Variants in IL21R observed in about 807,000 individuals in gnomAD.
IL21R encodes interleukin 21 receptor.
Under a neutral mutation model 41.3 loss-of-function variants are expected in IL21R, and 14 were observed. That is an observed-to-expected ratio of 0.34 (90% CI 0.22 to 0.53). The LOEUF (loss-of-function observed/expected upper bound fraction) is 0.53. Among genes scored for constraint, IL21R ranks in the 20% least tolerant of loss-of-function variants. The pLI is 0.94. For missense variants in IL21R, 588 were observed against 681.6 expected, an observed-to-expected ratio of 0.86 and a Z score of 1.53; for synonymous variants, 286 against 287.6, an observed-to-expected ratio of 0.99 and a Z score of 0.05.
chr16:27,426,269 C>T (rs1481351397), intron 1 of IL21R, among the ~76,000 whole-genome samples: 1 of 152,224 alleles, frequency 6.6e-6, no homozygotes, highest in African/African-American at 2.4e-5. Flanking sequence ...ATGGCGCACA[C>T]TGCCTATTTC....
At chr16:27,408,623 C>A (rs1360420948) in intron 1 of IL21R, among the ~76,000 whole-genome samples, 4 of 152,198 alleles carry the variant, frequency 2.6e-5, no homozygotes, top group Admixed American at 6.5e-5. Flanking sequence ...GTTCTTTCTT[C>A]TGTGTTCCCT....
intron 1 of IL21R, among the ~76,000 whole-genome samples, chr16:27,408,841 G>A (rs185246326): frequency 1.3e-5 from 2 of 152,278 alleles, no homozygotes; most frequent in East Asian, 3.9e-4. Flanking sequence ...TGGCCGACTT[G>A]AGGAACTAGA....
At chr16:27,432,620 C>T (rs1234231061) in intron 2 of IL21R, among the ~76,000 whole-genome samples, 3 of 152,194 alleles carry the variant, frequency 2.0e-5, no homozygotes, top group African/African-American at 2.4e-5. Context: ...CACGAGGATA[C>T]GAACTCAGAG....
chr16:27,409,615 A>AAAC (rs959065175), intron 1 of IL21R, among the ~76,000 whole-genome samples: 2 of 54,522 alleles, frequency 3.7e-5, no homozygotes, highest in African/African-American at 4.4e-4. Context: ...TCATTTAAGA[A>AAAC]AACATGTTTT....
chr16:27,435,119 C>T (rs916561489), intron 3 of IL21R, among the ~76,000 whole-genome samples: 2 of 151,992 alleles, frequency 1.3e-5, no homozygotes, highest in Non-Finnish European at 2.9e-5. Flanking sequence ...ATCAGTCGGG[C>T]GTGGTGGCAC....
intron 1 of IL21R, among the ~76,000 whole-genome samples, chr16:27,418,452 T>C (rs777564719): frequency 1.6e-4 from 25 of 152,110 alleles, no homozygotes; most frequent in Non-Finnish European, 2.9e-4. Context: ...CACTGCAACC[T>C]CCGCCTCCCA....
chr16:27,409,031 GTC>G (rs959904093), intron 1 of IL21R, among the ~76,000 whole-genome samples: 1 of 152,122 alleles, frequency 6.6e-6, no homozygotes, highest in African/African-American at 2.4e-5. Context: ...GAAATGTTGA[GTC>G]TCTGCTCAGC....
chr16:27,425,144 C>T (rs775626106), intron 1 of IL21R, among the ~76,000 whole-genome samples: 1 of 152,172 alleles, frequency 6.6e-6, no homozygotes, highest in Non-Finnish European at 1.5e-5. Context: ...ATATCCAAAC[C>T]ATATCAAGGG....
At chr16:27,432,814 C>T (rs927560985) in intron 2 of IL21R, among the ~76,000 whole-genome samples, 3 of 152,152 alleles carry the variant, frequency 2.0e-5, no homozygotes, top group Admixed American at 1.3e-4. Context: ...GCCACTGCCT[C>T]GAGAGAAGTT....
At chr16:27,437,777 C>A in intron 4 of IL21R, 90 bp downstream of exon 4, 1 of 1,015,800 alleles carries the variant, frequency 9.8e-7, no homozygotes, top group Non-Finnish European at 1.5e-6. Context: ...ATCCTCCCAC[C>A]TCAGCCTCCC....
At chr16:27,441,295 C>T (rs2087384410) in intron 4 of IL21R, among the ~76,000 whole-genome samples, 1 of 152,194 alleles carries the variant, frequency 6.6e-6, no homozygotes, top group Non-Finnish European at 1.5e-5. Flanking sequence ...GCCCATTTTA[C>T]AAGAGAGGAA....
At chr16:27,406,244 C>G (rs1364661172) in intron 1 of IL21R, among the ~76,000 whole-genome samples, 2 of 152,234 alleles carry the variant, frequency 1.3e-5, no homozygotes, top group Non-Finnish European at 2.9e-5. Flanking sequence ...TTCAAAGCCT[C>G]CTTTCACTGC....
chr16:27,450,142 C>A lies in IL21R; in HGVS notation c.*859C>A, dbSNP rs967663434. On this transcript the variant is annotated 3_prime_UTR_variant, in exon 9 of 9. Coordinates refer to ENST00000337929, the MANE Select transcript of IL21R (RefSeq NM_181078.3). ...TCGTCAGCGACAGCCTGGGCACCCG[C>A]GGGGCCGTCCCGCCTGCAGAGGGCC... The A allele has an allele frequency of 1.3e-5, 3 of 232,798 alleles. No homozygotes were observed. The highest frequency in any genetic ancestry group is 2.5e-5 in the Non-Finnish European group (3 of 117,842). 14.4% of individuals were successfully genotyped at this position (232,798 alleles called of 1,614,324 possible).
At chr16:27,424,544 G>A (rs1039991480) in intron 1 of IL21R, among the ~76,000 whole-genome samples, 1 of 151,478 alleles carries the variant, frequency 6.6e-6, no homozygotes, top group Non-Finnish European at 1.5e-5. Flanking sequence ...TGCACCTACA[G>A]GACTTCAAAT....
chr16:27,404,570 G>A (rs1056203808), intron 1 of IL21R, among the ~76,000 whole-genome samples: 7 of 152,172 alleles, frequency 4.6e-5, no homozygotes, highest in East Asian at 1.9e-4. Context: ...CGGGGTATCC[G>A]TTCCTTCCAC....
At chr16:27,440,719 G>C (rs2141301965) in intron 4 of IL21R, among the ~76,000 whole-genome samples, 1 of 152,220 alleles carries the variant, frequency 6.6e-6, no homozygotes, top group Non-Finnish European at 1.5e-5. Context: ...AAAATCACAG[G>C]GTGAGAGGTG....
At chr16:27,405,600 G>T (rs983074593) in intron 1 of IL21R, among the ~76,000 whole-genome samples, 1 of 152,146 alleles carries the variant, frequency 6.6e-6, no homozygotes, top group African/African-American at 2.4e-5. Context: ...GGGTCTTCTT[G>T]CCCTCGCAGC....
intron 1 of IL21R, among the ~76,000 whole-genome samples, chr16:27,417,655 C>T (rs1319497399): frequency 1.8e-5 from 1 of 56,508 alleles, no homozygotes; most frequent in Non-Finnish European, 2.8e-5. Flanking sequence ...CTGTATCTTA[C>T]AGCCTATAAT....
chr16:27,418,403 C>CTA (rs1555496052), intron 1 of IL21R, among the ~76,000 whole-genome samples: 1 of 151,772 alleles, frequency 6.6e-6, no homozygotes, highest in Non-Finnish European at 1.5e-5. Flanking sequence ...GAGTCTCACT[C>CTA]TATCACCCAG....
Sources: gnomAD v4.1 joint callset for allele counts (sites outside exome capture counted in the v4.1 genomes callset) on GRCh38, gnomAD v4.1.1 for gene constraint, MANE v1.5 for transcripts, NCBI Gene and HGNC (gene_info 2026-07-23, HGNC 2026-07-21) for gene names.